Variants in LRRTM4 observed in about 807,000 individuals in gnomAD.
LRRTM4 encodes the protein leucine-rich repeat transmembrane neuronal protein 4.
LRRTM4 carries 25 observed loss-of-function variants against 47.6 expected under a neutral mutation model. The observed-to-expected ratio is 0.53, with a 90% CI of 0.38 to 0.73. The LOEUF is 0.73. Ranked by LOEUF, LRRTM4 falls within the 30% of genes least tolerant of loss-of-function variation. The pLI is 0.00. For synonymous variants in LRRTM4, 311 were observed against 269.5 expected (o/e 1.15, Z -1.51); for missense variants, 638 against 713.4 (o/e 0.89, Z 1.20).
At chr2:77,161,099 C>G (rs1672716413) in intron 3 of LRRTM4, among the ~76,000 whole-genome samples, 1 of 152,290 alleles carries the variant, frequency 6.6e-6, no homozygotes, top group East Asian at 1.9e-4. Flanking sequence ...GGGACCTCAC[C>G]TTCCACAGAC....
chr2:77,113,044 C>T (rs1671292949), intron 3 of LRRTM4, among the ~76,000 whole-genome samples: 1 of 152,092 alleles, frequency 6.6e-6, no homozygotes, highest in Non-Finnish European at 1.5e-5. Context: ...GGAGCTTGGC[C>T]TGGGGTGCGT....
intron 3 of LRRTM4, among the ~76,000 whole-genome samples, chr2:77,150,106 T>A (rs796704187): frequency 1.8e-4 from 28 of 152,162 alleles, no homozygotes; most frequent in African/African-American, 5.3e-4. Flanking sequence ...AATTTGAACC[T>A]TAAATAAAGA....
At chr2:77,517,761 C>T in intron 3 of LRRTM4, 1 of 984,822 alleles carries the variant, frequency 1.0e-6, no homozygotes, top group Non-Finnish European at 1.2e-6. Context: ...CTGACATTCT[C>T]TATGCTGGTA....
At chr2:77,374,868 G>C (rs1672775194) in intron 3 of LRRTM4, among the ~76,000 whole-genome samples, 1 of 151,478 alleles carries the variant, frequency 6.6e-6, no homozygotes. Flanking sequence ...TTGTGAAATG[G>C]GAAAAAGTTA....
intron 3 of LRRTM4, among the ~76,000 whole-genome samples, chr2:77,017,917 T>G (rs969439097): frequency 6.6e-6 from 1 of 150,662 alleles, no homozygotes; most frequent in East Asian, 2.0e-4. Context: ...CAGGAAGTGT[T>G]AGCTCAAACG....
At chr2:77,505,975 A>T (rs1333002136) in intron 3 of LRRTM4, among the ~76,000 whole-genome samples, 1 of 151,638 alleles carries the variant, frequency 6.6e-6, no homozygotes, top group Non-Finnish European at 1.5e-5. Context: ...CAAAAATCTC[A>T]TTTCAAATAG....
rs1202240688 is a variant in LRRTM4, at chr2:77,518,843, A to T, written c.1026T>A (p.Pro342=). The T allele has an allele frequency of 1.9e-6, 3 of 1,609,332 alleles. No individual in the cohort carries two copies. The highest frequency in any genetic ancestry group is 2.5e-6 in the Non-Finnish European group (3 of 1,177,432). The change falls in exon 3 of 4, where the codon CCT becomes CCA. Residue 342 remains proline (P), a synonymous_variant. Coordinates refer to ENST00000409884, the MANE Select transcript of LRRTM4 (RefSeq NM_001134745.3). ...TAACCTTTTCACCCTGGATGTGCTTAGGTCCCGCACATATCATGGTGCTTT... is the reference window on the plus strand; with the variant it reads ...TAACCTTTTCACCCTGGATGTGCTTTGGTCCCGCACATATCATGGTGCTTT... ...NKESTMICAG[P]KHIQGEKVSD... is the part of the protein sequence containing the mutation.
intron 3 of LRRTM4, among the ~76,000 whole-genome samples, chr2:76,865,847 TG>T (rs1672451532): frequency 6.6e-6 from 1 of 152,230 alleles, no homozygotes; most frequent in Non-Finnish European, 1.5e-5. Flanking sequence ...TCACTTTGCA[TG>T]TTTCAAGTGA....
At chr2:77,042,797 A>C (rs2104182194) in intron 3 of LRRTM4, among the ~76,000 whole-genome samples, 1 of 151,878 alleles carries the variant, frequency 6.6e-6, no homozygotes, top group South Asian at 2.1e-4. Flanking sequence ...TTGTAACTTC[A>C]GGACCTAAGG....
At chr2:76,883,251 T>G (rs955777838) in intron 3 of LRRTM4, among the ~76,000 whole-genome samples, 11 of 152,216 alleles carry the variant, frequency 7.2e-5, no homozygotes, top group Non-Finnish European at 1.3e-4. Context: ...TATTGTGTGT[T>G]TAATCAGTCT....
At chr2:76,900,560 TAAAGATTTCTTAAATAAATAAATGA>T (rs1673589793) in intron 3 of LRRTM4, among the ~76,000 whole-genome samples, 1 of 152,152 alleles carries the variant, frequency 6.6e-6, no homozygotes, top group South Asian at 2.1e-4. Flanking sequence ...TGGCTTTCTA[TAAAGATTTCTTAAATAAATAAATGA>T]ATAACTGCCC....
chr2:77,513,282 G>GT (rs1277018334), intron 3 of LRRTM4, among the ~76,000 whole-genome samples: 1 of 152,082 alleles, frequency 6.6e-6, no homozygotes, highest in Non-Finnish European at 1.5e-5. Context: ...ACAAATGAAT[G>GT]TAAGTAGCTC....
chr2:76,873,506 G>GTGTGTGTA (rs367573475), intron 3 of LRRTM4, among the ~76,000 whole-genome samples: 2 of 112,312 alleles, frequency 1.8e-5, no homozygotes, highest in African/African-American at 6.5e-5. Flanking sequence ...ATATATGTGT[G>GTGTGTGTA]TATATATATA....
At chr2:76,979,768 T>G (rs1260249563) in intron 3 of LRRTM4, among the ~76,000 whole-genome samples, 4 of 150,532 alleles carry the variant, frequency 2.7e-5, no homozygotes, top group African/African-American at 9.9e-5. Flanking sequence ...GATGTGAGTA[T>G]TTGAAGATGT....
At chr2:76,927,017 A>T (rs961057525) in intron 3 of LRRTM4, among the ~76,000 whole-genome samples, 5 of 152,110 alleles carry the variant, frequency 3.3e-5, no homozygotes, top group Non-Finnish European at 7.4e-5. Context: ...TGCTTAATTT[A>T]TTTTTGCATA....
intron 3 of LRRTM4, among the ~76,000 whole-genome samples, chr2:77,498,606 G>T (rs1476796560): frequency 6.6e-6 from 1 of 151,742 alleles, no homozygotes; most frequent in South Asian, 2.1e-4. Flanking sequence ...CCTGGTGGGT[G>T]CTATATGTGT....
chr2:77,465,779 C>A (rs1676959435), intron 3 of LRRTM4, among the ~76,000 whole-genome samples: 1 of 152,114 alleles, frequency 6.6e-6, no homozygotes, highest in Non-Finnish European at 1.5e-5. Context: ...ACAATGGTTG[C>A]AAAGTTACAG....
chr2:77,309,410 G>C (rs1677383442), intron 3 of LRRTM4, among the ~76,000 whole-genome samples: 1 of 152,142 alleles, frequency 6.6e-6, no homozygotes, highest in South Asian at 2.1e-4. Flanking sequence ...AATTGGTGCA[G>C]ATATGGCCAT....
At chr2:77,052,403 A>T (rs1025409665) in intron 3 of LRRTM4, among the ~76,000 whole-genome samples, 1 of 151,794 alleles carries the variant, frequency 6.6e-6, no homozygotes, top group African/African-American at 2.4e-5. Flanking sequence ...TCCTGACCTC[A>T]GGAGATCCAC....
Sources: gnomAD v4.1 joint callset for allele counts (sites outside exome capture counted in the v4.1 genomes callset) on GRCh38, gnomAD v4.1.1 for gene constraint, MANE v1.5 for transcripts, NCBI Gene and HGNC (gene_info 2026-07-23, HGNC 2026-07-21) for gene names.